The following CDH9 variants were observed in gnomAD, a reference collection of about 807,000 sequenced individuals.
CDH9 encodes cadherin-9.
A neutral mutation model predicts 70.9 loss-of-function variants in CDH9; 28 were observed. The ratio of observed to expected loss-of-function variants is 0.40; its 90% CI spans 0.29 to 0.54. The LOEUF is 0.54. Ranked by LOEUF, CDH9 falls within the 20% of genes least tolerant of loss-of-function variation. CDH9 has a pLI of 0.59. For missense variants in CDH9, 874 were observed against 984.4 expected (o/e 0.89, Z 1.50); for synonymous variants, 409 against 343.1 (o/e 1.19, Z -2.12).
At chr5:26,898,185 A>G (rs1740786811) in intron 7 of CDH9, among the ~76,000 whole-genome samples, 1 of 152,162 alleles carries the variant, frequency 6.6e-6, no homozygotes, top group South Asian at 2.1e-4. Flanking sequence ...GACACAAACA[A>G]AGGAAAAAAC....
At chr5:26,944,802 G>A (rs1215595362) in intron 2 of CDH9, among the ~76,000 whole-genome samples, 5 of 151,698 alleles carry the variant, frequency 3.3e-5, no homozygotes, top group Non-Finnish European at 7.4e-5. Flanking sequence ...CCAAAAATAT[G>A]CATTTCAGCT....
At position 27,001,555 on chromosome 5, in the gene CDH9, A is replaced by C. The variant is rs74713547; in HGVS notation, c.-49-13173T>G. Among the ~76,000 whole-genome samples, 1,522 of 152,264 alleles carry C rather than the reference A, an allele frequency of 1.0e-2. 12 individuals are homozygous for C. The highest frequency in any genetic ancestry group is 0.014 in the Non-Finnish European group (972 of 68,012). On this transcript the variant is annotated intron_variant, in intron 1 of 11. Coordinates refer to ENST00000231021, the MANE Select transcript of CDH9 (RefSeq NM_016279.4). ...TGTAAAATCATTTATTTTAATATAG[A>C]TATAGATGGCTACATTTTGAAATAT...
At chr5:26,936,725 C>T (rs774481402) in intron 2 of CDH9, among the ~76,000 whole-genome samples, 11 of 151,924 alleles carry the variant, frequency 7.2e-5, no homozygotes, top group Non-Finnish European at 1.3e-4. Flanking sequence ...ATACAGATCC[C>T]AGAAATATAC....
chr5:26,935,180 G>C (rs2170037), intron 2 of CDH9, among the ~76,000 whole-genome samples: 149,367 of 152,236 alleles, frequency 0.98, 73,333 homozygotes, highest in East Asian at 1. Context: ...GTTTCCAAAA[G>C]ATATTCATGA....
At chr5:26,892,692 A>G (rs1349211300) in intron 7 of CDH9, among the ~76,000 whole-genome samples, 1 of 151,548 alleles carries the variant, frequency 6.6e-6, no homozygotes, top group Non-Finnish European at 1.5e-5. Flanking sequence ...AGGTTTTGAA[A>G]CATTATGAAG....
At chr5:26,894,880 T>C (rs544435187) in intron 7 of CDH9, among the ~76,000 whole-genome samples, 11 of 152,174 alleles carry the variant, frequency 7.2e-5, no homozygotes, top group African/African-American at 2.4e-4. Context: ...TCCAATCATA[T>C]AGGCATCAAA....
intron 2 of CDH9, among the ~76,000 whole-genome samples, chr5:26,933,877 A>C (rs1232346655): frequency 1.3e-5 from 2 of 152,156 alleles, no homozygotes; most frequent in East Asian, 1.9e-4. Context: ...AATCCCATGA[A>C]CACAGGATAG....
chr5:26,932,626 T>C (rs1357510143), intron 2 of CDH9, among the ~76,000 whole-genome samples: 1 of 152,158 alleles, frequency 6.6e-6, no homozygotes, highest in African/African-American at 2.4e-5. Flanking sequence ...TCTTTATCTC[T>C]TTAATCTATA....
chr5:27,038,408 T>C (rs1743430595), intron 1 of CDH9, 55 bp downstream of exon 1: 1 of 151,956 alleles, frequency 6.6e-6, no homozygotes, highest in Non-Finnish European at 1.5e-5. Context: ...TACTTCGTTA[T>C]AAGAAAGCAA....
chr5:26,912,765 G>A (rs1387687768), intron 3 of CDH9, among the ~76,000 whole-genome samples: 3 of 152,056 alleles, frequency 2.0e-5, no homozygotes, highest in African/African-American at 7.2e-5. Flanking sequence ...AGCTATCTCT[G>A]TGATATGGTT....
intron 2 of CDH9, among the ~76,000 whole-genome samples, chr5:26,938,119 T>G: frequency 6.6e-6 from 1 of 151,882 alleles, no homozygotes; most frequent in East Asian, 1.9e-4. Flanking sequence ...ATTTCCTGCT[T>G]AATTTTTCTG....
intron 2 of CDH9, among the ~76,000 whole-genome samples, chr5:26,986,285 G>A (rs900057905): frequency 2.0e-5 from 3 of 151,708 alleles, no homozygotes; most frequent in African/African-American, 4.8e-5. Context: ...CAAAAAATTC[G>A]CACATCCTAA....
intron 11 of CDH9, among the ~76,000 whole-genome samples, chr5:26,883,477 A>G (rs1740507330): frequency 6.6e-6 from 1 of 151,964 alleles, no homozygotes; most frequent in African/African-American, 2.4e-5. Context: ...AAAAAAGTAC[A>G]TCATTATTTC....
chr5:26,973,274 C>A (rs1008502285), intron 2 of CDH9, among the ~76,000 whole-genome samples: 1 of 151,668 alleles, frequency 6.6e-6, no homozygotes, highest in South Asian at 2.1e-4. Context: ...GCTCTCTATA[C>A]CAGATCTATA....
At chr5:26,884,598 G>T (rs1740528630) in intron 11 of CDH9, among the ~76,000 whole-genome samples, 1 of 152,076 alleles carries the variant, frequency 6.6e-6, no homozygotes, top group Non-Finnish European at 1.5e-5. Flanking sequence ...AAAATAGTTG[G>T]AACATCTTAA....
At chr5:26,937,022 A>C (rs2112030697) in intron 2 of CDH9, among the ~76,000 whole-genome samples, 1 of 152,276 alleles carries the variant, frequency 6.6e-6, no homozygotes, top group Non-Finnish European at 1.5e-5. Flanking sequence ...ATGAAAGAAA[A>C]ATTGGTAAAT....
intron 2 of CDH9, among the ~76,000 whole-genome samples, chr5:26,929,065 A>C (rs949839751): frequency 2.0e-5 from 3 of 152,068 alleles, no homozygotes; most frequent in African/African-American, 7.2e-5. Context: ...AACCTAAAGA[A>C]TGAGAAAAAA....
chr5:26,883,560 T>G (rs1740508374), intron 11 of CDH9, among the ~76,000 whole-genome samples: 1 of 152,068 alleles, frequency 6.6e-6, no homozygotes, highest in Non-Finnish European at 1.5e-5. Context: ...ATAGTGGCAG[T>G]GTGTGTGACA....
intron 2 of CDH9, among the ~76,000 whole-genome samples, chr5:26,918,887 T>G (rs774921358): frequency 2.9e-4 from 44 of 152,322 alleles, no homozygotes; most frequent in Middle Eastern, 3.4e-3. Context: ...CTGGCCTCCA[T>G]AATCTTGAGA....
Sources: allele counts gnomAD v4.1 joint callset (sites outside exome capture counted in the v4.1 genomes callset), GRCh38; gene constraint gnomAD v4.1.1; transcripts MANE v1.5; gene names NCBI Gene and HGNC (gene_info 2026-07-23, HGNC 2026-07-21).